Variants in STAM observed in about 807,000 individuals in gnomAD.
The protein encoded by STAM is signal transducing adapter molecule 1.
In STAM, 16 loss-of-function variants were observed where a neutral mutation model predicts 63.4. The ratio of observed to expected loss-of-function variants is 0.25; its 90% confidence interval spans 0.17 to 0.38. The LOEUF is 0.38. Among genes scored for constraint, STAM ranks in the 10% least tolerant of loss-of-function variants. The pLI is 1.00. For synonymous variants in STAM, 238 were observed against 223.9 expected (o/e 1.06, Z -0.56); for missense variants, 636 against 657.1 (o/e 0.97, Z 0.35).
intron 2 of STAM, among the ~76,000 whole-genome samples, chr10:17,683,689 T>C (rs61442312): frequency 0.12 from 18,592 of 152,222 alleles, 1,231 homozygotes; most frequent in Middle Eastern, 0.26. Context: ...CATCATTATG[T>C]GGATGATTTC....
At chr10:17,683,385 C>G (rs987429717) in intron 2 of STAM, among the ~76,000 whole-genome samples, 1 of 152,112 alleles carries the variant, frequency 6.6e-6, no homozygotes, top group Non-Finnish European at 1.5e-5. Flanking sequence ...TGGTCCCAAA[C>G]TTCCGGACTC....
chr10:17,688,225 G>A lies in STAM; in HGVS notation c.444+52G>A, dbSNP rs782506519. 1.1e-5 allele frequency: 15 copies of A among 1,353,244 alleles called. No individual in the cohort carries two copies. In the African/African-American group the frequency reaches 1.5e-4, roughly 13 times the overall value. The allele number at this position is 1,353,244 out of a possible 1,614,324, so 83.8% of individuals were successfully genotyped here. A position where few individuals can be genotyped will look rare whatever the true frequency, so the allele number is the denominator to read the frequency against. ...TGCTACAGTTTGTTTCTCTTAAATA[G>A]CTATATTTATTTGAATTTTTTTCTT... is the stretch of plus-strand genomic sequence containing the variant. On this transcript the variant is annotated intron_variant, in intron 5 of 13. Coordinates refer to ENST00000377524, the MANE Select transcript of STAM (RefSeq NM_003473.4).
intron 1 of STAM, among the ~76,000 whole-genome samples, chr10:17,657,042 C>G (rs1554822225): frequency 1.3e-5 from 2 of 152,066 alleles, no homozygotes; most frequent in Non-Finnish European, 2.9e-5. Flanking sequence ...GTATGCATGC[C>G]CATCGGAGGC....
chr10:17,653,674 A>G (rs1833828988), intron 1 of STAM, among the ~76,000 whole-genome samples: 1 of 152,268 alleles, frequency 6.6e-6, no homozygotes, highest in South Asian at 2.1e-4. Context: ...CCTATACAGT[A>G]TAGTTATTTA....
chr10:17,685,052 C>A, intron 4 of STAM, 125 bp downstream of exon 4: 2 of 671,886 alleles, frequency 3.0e-6, no homozygotes, highest in Non-Finnish European at 4.7e-6. Flanking sequence ...TGTGTCTATC[C>A]AGTATATAAA....
intron 9 of STAM, among the ~76,000 whole-genome samples, chr10:17,703,008 CAAAAA>C (rs71507229): frequency 1.5e-5 from 1 of 67,862 alleles, no homozygotes; most frequent in African/African-American, 5.2e-5. Context: ...GACTCCATCT[CAAAAA>C]AAAAAAAAAA....
rs1333083742 is a variant in STAM at position 17,714,629 on chromosome 10, C to G, written c.1472C>G (p.Ala491Gly). ...SPPPAATAAA[A>G]TADVTLYQNA... ...CCTCCTGCCGCTACTGCTGCTGCTG[C>G]AACTGCCGATGTCACTCTGTACCAG... Residue 491 changes from alanine to glycine, a missense_variant, in exon 14 of 14, where the codon GCA becomes GGA. Physicochemically the swap from Ala to Gly is moderately conservative, Grantham distance 60. Transcript: ENST00000377524. 1.9e-6 allele frequency: 3 copies of G among 1,614,188 alleles called. No homozygotes were observed. The highest frequency in any genetic ancestry group is 2.5e-6 in the Non-Finnish European group (3 of 1,180,036).
chr10:17,702,321 T>C (rs1002453666), intron 9 of STAM, among the ~76,000 whole-genome samples: 1 of 152,238 alleles, frequency 6.6e-6, no homozygotes, highest in Non-Finnish European at 1.5e-5. Context: ...TATATTAGGA[T>C]AAAATTTTGG....
At chr10:17,688,965 G>T (rs1835415807) in intron 5 of STAM, among the ~76,000 whole-genome samples, 1 of 152,046 alleles carries the variant, frequency 6.6e-6, no homozygotes, top group Non-Finnish European at 1.5e-5. Flanking sequence ...CTTTAGAAGG[G>T]GTAAATGGGA....
intron 7 of STAM, among the ~76,000 whole-genome samples, chr10:17,696,386 G>C (rs1228087059): frequency 1.3e-5 from 2 of 152,034 alleles, no homozygotes; most frequent in Non-Finnish European, 2.9e-5. Flanking sequence ...CCTTGCTGCT[G>C]TGTACCAGAA....
Position 17,707,334 on chromosome 10 carries a change from C to T in STAM, c.1210-1442C>T, listed in dbSNP as rs190040790. The stretch of plus-strand genomic sequence containing the variant: ...CTGAGGCAGGAGAATGGCATGAACC[C>T]GGGAGGCGGAGGTTGCAGTGAGCCG... On this transcript the variant is annotated intron_variant, in intron 12 of 13. Coordinates refer to ENST00000377524, the MANE Select transcript of STAM (RefSeq NM_003473.4). Among the ~76,000 whole-genome samples the T allele has an allele frequency of 6.7e-3, 1,011 of 152,016 alleles. 10 individuals are homozygous for T. Among genetic ancestry groups the T allele is most frequent in the African/African-American group, 0.023 (945 of 41,450 alleles).
At position 17,695,251 on chromosome 10, in the gene STAM, A is replaced by G. The variant is rs367655001; in HGVS notation, c.728+10A>G. The G allele has an allele frequency of 6.2e-7, 1 of 1,608,658 alleles. No individual in the cohort carries two copies. Among genetic ancestry groups the G allele is most frequent in the South Asian group, 1.1e-5 (1 of 90,504 alleles). On this transcript the variant is annotated intron_variant, in intron 7 of 13. Transcript: ENST00000377524. ...CAGTTCTTGATGACAGGTAATGTTA[A>G]TATTACATTTAAAATTTGTATGAAA...
intron 9 of STAM, among the ~76,000 whole-genome samples, chr10:17,701,901 C>T (rs1217909643): frequency 1.3e-5 from 2 of 151,748 alleles, no homozygotes; most frequent in African/African-American, 4.8e-5. Flanking sequence ...GTTAACACAG[C>T]TGAGATGGTT....
chr10:17,660,049 C>CAAA (rs57550622), intron 1 of STAM, among the ~76,000 whole-genome samples: 16 of 148,636 alleles, frequency 1.1e-4, no homozygotes, highest in South Asian at 4.2e-4. Flanking sequence ...TCCATATTAT[C>CAAA]AAAAAAAAAA....
At chr10:17,713,933 G>A (rs1836679192) in intron 13 of STAM, among the ~76,000 whole-genome samples, 1 of 152,018 alleles carries the variant, frequency 6.6e-6, no homozygotes, top group African/African-American at 2.4e-5. Flanking sequence ...CAGTCCTGCC[G>A]GTGATCTTAG....
At chr10:17,671,360 A>T (rs1834633193) in intron 2 of STAM, among the ~76,000 whole-genome samples, 1 of 152,254 alleles carries the variant, frequency 6.6e-6, no homozygotes, top group Non-Finnish European at 1.5e-5. Context: ...TGCTTTCAAG[A>T]ACTAACATTG....
chr10:17,674,449 G>T (rs1554824426), intron 2 of STAM, among the ~76,000 whole-genome samples: 1 of 152,174 alleles, frequency 6.6e-6, no homozygotes, highest in Non-Finnish European at 1.5e-5. Context: ...TGGATGCTTA[G>T]TATGGTGAGC....
At chr10:17,654,921 A>T (rs954497826) in intron 1 of STAM, among the ~76,000 whole-genome samples, 1 of 152,194 alleles carries the variant, frequency 6.6e-6, no homozygotes. Flanking sequence ...AAATTTTCAC[A>T]AAGTAGTCTG....
At chr10:17,673,670 A>AC (rs1448432909) in intron 2 of STAM, among the ~76,000 whole-genome samples, 1 of 152,092 alleles carries the variant, frequency 6.6e-6, no homozygotes, top group African/African-American at 2.4e-5. Context: ...AAGGAGAAAA[A>AC]CCCCGCAAAC....
Sources: gnomAD v4.1 joint callset for allele counts (sites outside exome capture counted in the v4.1 genomes callset) on GRCh38, gnomAD v4.1.1 for gene constraint, MANE v1.5 for transcripts, NCBI Gene and HGNC (gene_info 2026-07-23, HGNC 2026-07-21) for gene names.